Variants in KCNIP1 observed in about 807,000 individuals in gnomAD.
KCNIP1 encodes the protein potassium voltage-gated channel interacting protein 1.
A neutral mutation model predicts 33.0 loss-of-function variants in KCNIP1; 18 were observed. The observed-to-expected ratio is 0.55, with a 90% CI of 0.38 to 0.81. KCNIP1 has a LOEUF of 0.81. Ranked by LOEUF, KCNIP1 falls within the 30% of genes least tolerant of loss-of-function variation. The pLI is 0.00. For synonymous variants in KCNIP1, 93 were observed against 98.3 expected (o/e 0.95, Z 0.32); for missense variants, 238 against 271.6 (o/e 0.88, Z 0.87).
At chr5:170,432,063 C>G (rs1755756637) in intron 1 of KCNIP1, among the ~76,000 whole-genome samples, 1 of 149,214 alleles carries the variant, frequency 6.7e-6, no homozygotes. Context: ...ATTGAGCCAT[C>G]TTCTTACAGC....
chr5:170,666,170 A>G lies in KCNIP1; in HGVS notation c.62-52588A>G, dbSNP rs530922255. Among the ~76,000 whole-genome samples the G allele has an allele frequency of 5.9e-5, 9 of 152,338 alleles. No homozygotes were observed. The East Asian group carries it at 1.5e-3, about 26-fold the overall frequency. The stretch of plus-strand genomic sequence containing the variant: ...TCTGCATAAGAGATTTGTTTATATT[A>G]ATATGAGCTCATGGATATTTATGTT... On this transcript the variant is annotated intron_variant, in intron 1 of 7. Transcript: ENST00000328939.
intron 1 of KCNIP1, among the ~76,000 whole-genome samples, chr5:170,555,577 G>A (rs1756816514): frequency 6.6e-6 from 1 of 152,252 alleles, no homozygotes; most frequent in Middle Eastern, 3.4e-3. Context: ...CAGCATTGTG[G>A]CTCAGGGAGA....
chr5:170,378,909 C>G, intron 1 of KCNIP1: 1 of 1,614,240 alleles, frequency 6.2e-7, no homozygotes, highest in Non-Finnish European at 8.5e-7. Context: ...GAATTTGGCT[C>G]TGACCTTCTC....
At chr5:170,449,232 G>A (rs912932028) in intron 1 of KCNIP1, among the ~76,000 whole-genome samples, 4 of 152,178 alleles carry the variant, frequency 2.6e-5, no homozygotes, top group Non-Finnish European at 2.9e-5. Flanking sequence ...AGCAAGCCCC[G>A]TACTGGACAC....
intron 1 of KCNIP1, among the ~76,000 whole-genome samples, chr5:170,497,896 G>A (rs1264531204): frequency 1.3e-5 from 2 of 152,248 alleles, no homozygotes; most frequent in East Asian, 3.8e-4. Flanking sequence ...GACTGTGGCA[G>A]CGCAGAAGCG....
At chr5:170,405,440 G>C (rs1561609414) in intron 1 of KCNIP1, among the ~76,000 whole-genome samples, 3 of 152,184 alleles carry the variant, frequency 2.0e-5, no homozygotes, top group Non-Finnish European at 4.4e-5. Context: ...TTGACCTCAG[G>C]TGATCTGCTC....
At chr5:170,612,131 T>C (rs1759185440) in intron 1 of KCNIP1, among the ~76,000 whole-genome samples, 1 of 152,126 alleles carries the variant, frequency 6.6e-6, no homozygotes, top group East Asian at 1.9e-4. Context: ...ACCAGCGAGC[T>C]CATGGCCCAC....
At chr5:170,512,084 T>C (rs762434720) in intron 1 of KCNIP1, among the ~76,000 whole-genome samples, 5 of 152,192 alleles carry the variant, frequency 3.3e-5, no homozygotes, top group South Asian at 4.1e-4. Context: ...TATGAAATGA[T>C]TGGGGGCAGA....
chr5:170,574,922 T>G lies in KCNIP1; in HGVS notation c.61+70289T>G, dbSNP rs151196914. ...ACACAGACAGTGGCTCTGCCAGGGT[T>G]TGTTGTTTGTTTGTTTGTTTTTCAT... On this transcript the variant is annotated intron_variant, in intron 1 of 7. Coordinates refer to ENST00000328939, the MANE Select transcript of KCNIP1 (RefSeq NM_014592.4). Among the ~76,000 whole-genome samples the G allele has an allele frequency of 5.7e-3, 870 of 152,316 alleles. 10 individuals carry two copies. The highest frequency in any genetic ancestry group is 6.3e-3 in the Non-Finnish European group (430 of 68,026).
At chr5:170,712,556 A>C (rs1763489317) in intron 1 of KCNIP1, among the ~76,000 whole-genome samples, 1 of 152,214 alleles carries the variant, frequency 6.6e-6, no homozygotes, top group African/African-American at 2.4e-5. Context: ...CCAACATTGC[A>C]CATCTCTGCC....
At chr5:170,447,153 G>A (rs1756138064) in intron 1 of KCNIP1, among the ~76,000 whole-genome samples, 1 of 152,186 alleles carries the variant, frequency 6.6e-6, no homozygotes, top group Non-Finnish European at 1.5e-5. Flanking sequence ...AGCTCCTACT[G>A]CATGTCTTGT....
chr5:170,457,495 C>T (rs548657150), intron 1 of KCNIP1, among the ~76,000 whole-genome samples: 5 of 152,258 alleles, frequency 3.3e-5, no homozygotes, highest in African/African-American at 1.2e-4. Flanking sequence ...GCTGAGAAAC[C>T]CACAGATGGT....
chr5:170,397,406 A>G (rs1474474295), intron 1 of KCNIP1, among the ~76,000 whole-genome samples: 7 of 152,202 alleles, frequency 4.6e-5, no homozygotes, highest in African/African-American at 1.7e-4. Context: ...AGGGGCTTAC[A>G]TAGATATCAG....
intron 1 of KCNIP1, among the ~76,000 whole-genome samples, chr5:170,706,195 C>G (rs890860093): frequency 2.0e-5 from 3 of 152,170 alleles, no homozygotes; most frequent in Non-Finnish European, 4.4e-5. Context: ...TATGTTCACA[C>G]GAACAACAAA....
rs141098079 is a variant in KCNIP1 at position 170,617,599 on chromosome 5, C to A, written c.62-101159C>A. On this transcript the variant is annotated intron_variant, in intron 1 of 7. Coordinates refer to ENST00000328939, the MANE Select transcript of KCNIP1 (RefSeq NM_014592.4). ...CCCAAAGCTGGTTCTGCTCAATTCCCTAAAAGATCTCCTGCAATGGGGCCT... is the reference window on the plus strand; with the variant it reads ...CCCAAAGCTGGTTCTGCTCAATTCCATAAAAGATCTCCTGCAATGGGGCCT... Among the ~76,000 whole-genome samples the A allele has an allele frequency of 5.3e-3, 805 of 152,288 alleles. 9 individuals are homozygous for A. Among genetic ancestry groups the A allele is most frequent in the African/African-American group, 0.019 (773 of 41,548 alleles).
At chr5:170,671,789 A>G (rs1213592808) in intron 1 of KCNIP1, among the ~76,000 whole-genome samples, 3 of 152,168 alleles carry the variant, frequency 2.0e-5, no homozygotes, top group Non-Finnish European at 4.4e-5. Context: ...TTTCTGTACT[A>G]CTACATTACT....
chr5:170,506,139 G>C (rs1394387565), intron 1 of KCNIP1, among the ~76,000 whole-genome samples: 3 of 152,174 alleles, frequency 2.0e-5, no homozygotes, highest in Admixed American at 6.5e-5. Context: ...TCAGGGGCTT[G>C]TTTTTAAATA....
chr5:170,445,213 G>A (rs907443633), intron 1 of KCNIP1, among the ~76,000 whole-genome samples: 13 of 152,160 alleles, frequency 8.5e-5, no homozygotes, highest in Non-Finnish European at 1.9e-4. Flanking sequence ...CTACACATCC[G>A]GTACAGAGCC....
rs61482629 is a variant in KCNIP1 at position 170,488,237 on chromosome 5, G to A, written c.88+134273G>A. 8.2e-3 allele frequency among the ~76,000 whole-genome samples: 1,247 copies of A among 152,246 alleles called. 18 individuals are homozygous for A. The highest frequency in any genetic ancestry group is 0.027 in the African/African-American group (1,137 of 41,536). ...TACCATTTGATGTGCTTGTGTTTCC[G>A]GGAAGAGAGTTCAGGGTTTCATCAG... On this transcript the variant is annotated intron_variant, in intron 1 of 7. Coordinates refer to the KCNIP1 transcript ENST00000377360.
Sources: gnomAD v4.1 joint callset for allele counts (sites outside exome capture counted in the v4.1 genomes callset) on GRCh38, gnomAD v4.1.1 for gene constraint, MANE v1.5 for transcripts, NCBI Gene and HGNC (gene_info 2026-07-23, HGNC 2026-07-21) for gene names.